SCAP: variants seen among roughly 807,000 people sequenced by gnomAD.
The protein encoded by SCAP is sterol regulatory element-binding protein cleavage-activating protein.
In SCAP, 65 loss-of-function variants were observed where a neutral mutation model predicts 123.6. The ratio of observed to expected loss-of-function variants is 0.53; its 90% CI spans 0.43 to 0.65. The LOEUF is 0.65. SCAP is among the 30% of genes least tolerant of loss of function. SCAP has a pLI of 0.00. For synonymous variants in SCAP, 740 were observed against 726.3 expected (o/e 1.02, Z -0.30); for missense variants, 1,398 against 1,712.5 (o/e 0.82, Z 3.24).
chr3:47,426,976 C>T (rs1706161066), intron 6 of SCAP, among the ~76,000 whole-genome samples, 181 bp downstream of exon 6: 1 of 152,096 alleles, frequency 6.6e-6, no homozygotes, highest in Admixed American at 6.5e-5. Flanking sequence ...TCAGGTCATC[C>T]CCATTAAAAT....
At chr3:47,446,296 A>G (rs1305765297) in intron 1 of SCAP, among the ~76,000 whole-genome samples, 2 of 151,030 alleles carry the variant, frequency 1.3e-5, no homozygotes, top group African/African-American at 4.9e-5. Context: ...GCCTCAGCCT[A>G]CCAAGTAGCT....
intron 6 of SCAP, 106 bp downstream of exon 6, chr3:47,427,051 C>A: frequency 5.1e-6 from 4 of 778,540 alleles, no homozygotes; most frequent in Non-Finnish European, 8.9e-6. Context: ...GAAACTCTCC[C>A]AAGTTTCCAG....
chr3:47,426,625 G>A (rs1450181721), intron 6 of SCAP, among the ~76,000 whole-genome samples: 4 of 152,158 alleles, frequency 2.6e-5, no homozygotes, highest in African/African-American at 9.6e-5. Flanking sequence ...TTTTAGTAGA[G>A]ACGGGGTTTC....
At chr3:47,433,848 AAC>A (rs1706462413) in intron 3 of SCAP, among the ~76,000 whole-genome samples, 1 of 152,186 alleles carries the variant, frequency 6.6e-6, no homozygotes, top group South Asian at 2.1e-4. Context: ...CACCCTGGGC[AAC>A]AGAGTGAGAC....
chr3:47,459,681 C>T (rs1419871299), intron 1 of SCAP, among the ~76,000 whole-genome samples: 1 of 152,122 alleles, frequency 6.6e-6, no homozygotes, highest in African/African-American at 2.4e-5. Flanking sequence ...AAAAGGAGAA[C>T]AAAGATCACA....
At chr3:47,445,575 C>A (rs529317195) in intron 1 of SCAP, among the ~76,000 whole-genome samples, 1 of 149,734 alleles carries the variant, frequency 6.7e-6, no homozygotes, top group Non-Finnish European at 1.5e-5. Flanking sequence ...GTCTCGAACT[C>A]CAACTTTTTT....
intron 1 of SCAP, among the ~76,000 whole-genome samples, chr3:47,472,516 T>C (rs1708070773): frequency 6.6e-6 from 1 of 151,518 alleles, no homozygotes; most frequent in Non-Finnish European, 1.5e-5. Context: ...GGAAAATTAG[T>C]TTTATTTTTT....
At chr3:47,425,443 T>G (rs1576264567) in intron 8 of SCAP, 42 bp downstream of exon 8, 1 of 1,593,876 alleles carries the variant, frequency 6.3e-7, no homozygotes, top group South Asian at 1.1e-5. Flanking sequence ...CTCTCTGGCC[T>G]GAGCCCACCC....
At chr3:47,430,286 C>T (rs1265421767) in intron 3 of SCAP, among the ~76,000 whole-genome samples, 1 of 152,188 alleles carries the variant, frequency 6.6e-6, no homozygotes, top group Non-Finnish European at 1.5e-5. Context: ...ATATCACATA[C>T]TTTTCTCACT....
intron 17 of SCAP, 32 bp downstream of exon 17, chr3:47,417,272 C>G: frequency 6.2e-7 from 1 of 1,611,954 alleles, no homozygotes. Context: ...GGGCGGACAG[C>G]CGCTCTGCCC....
chr3:47,413,737 A>T lies in SCAP; in HGVS notation c.*117T>A. ...TGGTTTTTTAAAAAAGTTTAATATT[A>T]TTACAGTCAGGAGGCAGCGGCTGGA... On this transcript the variant is annotated 3_prime_UTR_variant, in exon 23 of 23. Transcript: ENST00000265565. The T allele has an allele frequency of 7.4e-7, 1 of 1,357,972 alleles. No homozygotes were observed. Among genetic ancestry groups the T allele is most frequent in the Non-Finnish European group, 1.0e-6 (1 of 996,440 alleles). The allele number at this position is 1,357,972 out of a possible 1,614,324, so 84.1% of individuals were successfully genotyped here.
At chr3:47,418,882 C>T (rs1303323571) in intron 13 of SCAP, 39 bp from the exon 14 acceptor site, 5 of 1,474,952 alleles carry the variant, frequency 3.4e-6, no homozygotes, top group Non-Finnish European at 4.5e-6. Context: ...GGGGGGCCTC[C>T]CAGGGCTTCC....
Position 47,414,236 on chromosome 3 carries a change from C to A in SCAP, c.3538G>T (p.Asp1180Tyr), listed in dbSNP as rs1281346457. 6.2e-7 allele frequency: 1 copy of A among 1,613,684 alleles called. No individual in the cohort carries two copies. ...CTGCGGTCCCAGATGCTGATGAGGT[C>A]ATCCAGGCCACTGCTGATGACACAG... ...TSCVISSGLD[D>Y]LISIWDRSTG... Residue 1180 changes from aspartate to tyrosine, a missense_variant, in exon 22 of 23, where the codon GAC becomes TAC. By Grantham distance (160) the Asp-to-Tyr change is radical. Transcript: ENST00000265565.
chr3:47,427,113 C>T (rs1301827154), intron 6 of SCAP, 44 bp downstream of exon 6: 2 of 1,408,844 alleles, frequency 1.4e-6, no homozygotes, highest in African/African-American at 1.4e-5. Flanking sequence ...AGCCTCATGT[C>T]ACCCAGCAGA....
chr3:47,423,869 A>C, intron 9 of SCAP, 64 bp downstream of exon 9: 1 of 1,163,926 alleles, frequency 8.6e-7, no homozygotes, highest in Non-Finnish European at 1.3e-6. Flanking sequence ...CGTTAACAGC[A>C]AGAGGAACAG....
chr3:47,418,750 G>C lies in SCAP; in HGVS notation c.2034C>G (p.Ala678=), dbSNP rs773161158. The change falls in exon 14 of 23, where the codon GCC becomes GCG. Residue 678 remains alanine (A), a synonymous_variant. Coordinates refer to ENST00000265565, the MANE Select transcript of SCAP (RefSeq NM_012235.4). Reference sequence around the variant, plus strand: ...CAGGTATGGGCCCCGGTGGGGGCCAGGCACTGCGGCCGTCCTGAGGGTGCC... The same window carrying C: ...CAGGTATGGGCCCCGGTGGGGGCCACGCACTGCGGCCGTCCTGAGGGTGCC... The part of the protein sequence containing the change: ...EGRHPQDGRS[A]WPPPGPIPAG... The C allele has an allele frequency of 6.3e-7, 1 of 1,594,208 alleles. No individual in the cohort carries two copies. Among genetic ancestry groups the C allele is most frequent in the Non-Finnish European group, 8.5e-7 (1 of 1,172,700 alleles).
chr3:47,442,541 AAAACG>A (rs1706848062), intron 2 of SCAP, among the ~76,000 whole-genome samples: 2 of 152,260 alleles, frequency 1.3e-5, no homozygotes, highest in African/African-American at 4.8e-5. Flanking sequence ...ACCAGGTACT[AAAACG>A]AAACCACTAC....
In SCAP at chr3:47,418,752, C is replaced by G; in HGVS notation, c.2032G>C (p.Ala678Pro). 1 of 1,593,012 alleles carries G rather than the reference C, an allele frequency of 6.3e-7. No individual in the cohort carries two copies. Among genetic ancestry groups the G allele is most frequent in the Non-Finnish European group, 8.5e-7 (1 of 1,172,156 alleles). Residue 678 changes from alanine to proline, a missense_variant, in exon 14 of 23, where the codon GCC becomes CCC. Coordinates refer to ENST00000265565, the MANE Select transcript of SCAP (RefSeq NM_012235.4). ...GGTATGGGCCCCGGTGGGGGCCAGG[C>G]ACTGCGGCCGTCCTGAGGGTGCCGG... ...EGRHPQDGRS[A>P]WPPPGPIPAG...
At position 47,417,144 on chromosome 3, in the gene SCAP, C is replaced by T. The variant is rs187172584; in HGVS notation, c.3034G>A (p.Ala1012Thr). 1.4e-5 allele frequency: 23 copies of T among 1,613,080 alleles called. No homozygotes were observed. Among genetic ancestry groups the T allele is most frequent in the African/African-American group, 5.3e-5 (4 of 75,062 alleles). The change falls in exon 18 of 23, where the codon GCT becomes ACT. Residue 1012 changes from alanine to threonine, a missense_variant. Around this residue, in one of 7 missense-constraint regions of SCAP, gnomAD observed 828 missense variants for 882.5 expected, o/e 0.94. Transcript: ENST00000265565. Reference sequence around the variant, plus strand: ...CACCTTTTGTCCAAGAACACCAGAGCGGTAATGCCTGAGGAGACCTCCTCG... The same window carrying T: ...CACCTTTTGTCCAAGAACACCAGAGTGGTAATGCCTGAGGAGACCTCCTCG... The part of the protein sequence containing the change: ...SSEEVSSGIT[A>T]LVFLDKRIVA...
Sources: allele counts gnomAD v4.1 joint callset (sites outside exome capture counted in the v4.1 genomes callset), GRCh38; gene constraint gnomAD v4.1.1; regional missense constraint gnomAD v4.1.1; transcripts MANE v1.5; gene names NCBI Gene and HGNC (gene_info 2026-07-23, HGNC 2026-07-21).